RABGAP1L: variants seen among roughly 807,000 people sequenced by gnomAD.
RABGAP1L encodes the protein RAB GTPase activating protein 1 like.
A neutral mutation model predicts 137.7 loss-of-function variants in RABGAP1L; 63 were observed. The observed-to-expected ratio is 0.46, with a 90% CI of 0.37 to 0.56. The LOEUF is 0.56. Ranked by LOEUF, RABGAP1L falls within the 20% of genes least tolerant of loss-of-function variation. The pLI is 0.00. For synonymous variants in RABGAP1L, 431 were observed against 433.7 expected (o/e 0.99, Z 0.08); for missense variants, 1,095 against 1,244.0 (o/e 0.88, Z 1.80).
intron 19 of RABGAP1L, among the ~76,000 whole-genome samples, chr1:174,919,529 T>A (rs929144021): frequency 2.6e-5 from 4 of 152,134 alleles, no homozygotes; most frequent in African/African-American, 9.7e-5. Context: ...ATAAAATAAT[T>A]AAAAATATTT....
intron 14 of RABGAP1L, among the ~76,000 whole-genome samples, chr1:174,640,210 C>T (rs537599239): frequency 6.6e-6 from 1 of 152,206 alleles, no homozygotes; most frequent in South Asian, 2.1e-4. Context: ...TGTGATTGAC[C>T]CGGTTCCTTC....
At chr1:174,327,956 AATATAT>A (rs1180255952) in intron 11 of RABGAP1L, among the ~76,000 whole-genome samples, 32,553 of 97,932 alleles carry the variant, frequency 0.33, 6,157 homozygotes, top group African/African-American at 0.49. Context: ...AACAGTTGTA[AATATAT>A]ATATATATAT....
intron 14 of RABGAP1L, among the ~76,000 whole-genome samples, chr1:174,643,499 T>C (rs1418054352): frequency 1.3e-5 from 2 of 152,130 alleles, no homozygotes; most frequent in African/African-American, 4.8e-5. Flanking sequence ...CAGCATATTC[T>C]CCAAGCAAAT....
chr1:174,292,329 CTTTTTTTTTTTTTTT>C (rs61636433), intron 10 of RABGAP1L, among the ~76,000 whole-genome samples: 5 of 50,620 alleles, frequency 9.9e-5, no homozygotes, highest in Admixed American at 2.8e-4. Flanking sequence ...CCTACCTAAT[CTTTTTTTTTTTTTTT>C]TTTTTTTTTT....
chr1:174,808,395 A>G lies in RABGAP1L; in HGVS notation c.2212-3437A>G, dbSNP rs144848757. On this transcript the variant is annotated intron_variant, in intron 18 of 25. Coordinates refer to ENST00000681986, the MANE Select transcript of RABGAP1L (RefSeq NM_001366446.1). ...CTTGAGCCCAGGAGTTCGAGGCTGC[A>G]GTGAGCTATGATTGCACCATCGTAC... Among the ~76,000 whole-genome samples the G allele has an allele frequency of 6.0e-3, 909 of 152,210 alleles. 15 individuals carry two copies. Among genetic ancestry groups the G allele is most frequent in the African/African-American group, 0.021 (874 of 41,528 alleles).
intron 13 of RABGAP1L, among the ~76,000 whole-genome samples, chr1:174,457,502 G>A (rs1656174495): frequency 9.1e-6 from 1 of 109,964 alleles, no homozygotes; most frequent in East Asian, 2.6e-4. Context: ...TTTTTTTTGA[G>A]ATGGAGTCTT....
intron 1 of RABGAP1L, among the ~76,000 whole-genome samples, chr1:174,181,399 G>A (rs1225128194): frequency 6.7e-6 from 1 of 149,994 alleles, no homozygotes; most frequent in Admixed American, 6.7e-5. Context: ...GTGCAGTGGC[G>A]TGATCTCGGC....
chr1:174,231,280 C>A lies in RABGAP1L; in HGVS notation c.467C>A (p.Ala156Glu). 1 of 1,614,112 alleles carries A rather than the reference C, an allele frequency of 6.2e-7. No homozygotes were observed. Among genetic ancestry groups the A allele is most frequent in the Non-Finnish European group, 8.5e-7 (1 of 1,179,994 alleles). The change falls in exon 4 of 26, where the codon GCA becomes GAA. Residue 156 changes from alanine to glutamate, a missense_variant. Physicochemically the swap from Ala to Glu is moderately radical, Grantham distance 107. Coordinates refer to ENST00000681986, the MANE Select transcript of RABGAP1L (RefSeq NM_001366446.1). ...GAAGTAGAGGCTTTACGGGCAATGG[C>A]AACCATGAAATCTTCCAGTCAATAC... ...RNEVEALRAM[A>E]TMKSSSQYPF... is the part of the protein sequence containing the mutation.
At chr1:174,660,609 G>C (rs1462976205) in intron 14 of RABGAP1L, among the ~76,000 whole-genome samples, 3 of 152,112 alleles carry the variant, frequency 2.0e-5, no homozygotes, top group Non-Finnish European at 4.4e-5. Flanking sequence ...TGATTTACCA[G>C]GCTGTAAACT....
chr1:174,198,224 A>G (rs1667841919), intron 1 of RABGAP1L, among the ~76,000 whole-genome samples: 1 of 152,222 alleles, frequency 6.6e-6, no homozygotes, highest in African/African-American at 2.4e-5. Context: ...TGATTTTTAA[A>G]TATTCATGCT....
intron 19 of RABGAP1L, among the ~76,000 whole-genome samples, chr1:174,867,851 T>G (rs183128783): frequency 1.3e-4 from 20 of 152,256 alleles, no homozygotes; most frequent in African/African-American, 4.8e-4. Context: ...CACCATGTTG[T>G]TCAGGCTGGT....
intron 11 of RABGAP1L, among the ~76,000 whole-genome samples, chr1:174,341,303 A>G (rs1434936215): frequency 6.6e-6 from 1 of 152,220 alleles, no homozygotes; most frequent in African/African-American, 2.4e-5. Flanking sequence ...TGCTAATATG[A>G]TGCATCTTTG....
chr1:174,489,442 T>C (rs1660000373), intron 13 of RABGAP1L, among the ~76,000 whole-genome samples: 1 of 152,172 alleles, frequency 6.6e-6, no homozygotes, highest in Non-Finnish European at 1.5e-5. Context: ...TCATCATCAC[T>C]GGCCATCAGA....
At chr1:174,937,348 G>T (rs1007244927) in intron 19 of RABGAP1L, among the ~76,000 whole-genome samples, 2 of 150,736 alleles carry the variant, frequency 1.3e-5, no homozygotes, top group African/African-American at 2.5e-5. Flanking sequence ...GCAATGGTGT[G>T]ATCTCGACTC....
At chr1:174,349,433 C>T (rs7546253) in intron 11 of RABGAP1L, among the ~76,000 whole-genome samples, 9,531 of 100,824 alleles carry the variant, frequency 0.095, 674 homozygotes, top group Admixed American at 0.13. Flanking sequence ...CCCTCCCGGA[C>T]GAGGCGGCTG....
At chr1:174,345,632 A>G (rs1274177472) in intron 11 of RABGAP1L, among the ~76,000 whole-genome samples, 1 of 152,112 alleles carries the variant, frequency 6.6e-6, no homozygotes, top group East Asian at 1.9e-4. Flanking sequence ...ATCAGTTTGA[A>G]TAGTTTTTTT....
chr1:174,756,804 G>C, intron 18 of RABGAP1L: 1 of 530,832 alleles, frequency 1.9e-6, no homozygotes, highest in South Asian at 1.5e-5. Context: ...CTACTCGGTT[G>C]CAAACTCCGG....
At chr1:174,526,352 T>C (rs1572172410) in intron 13 of RABGAP1L, among the ~76,000 whole-genome samples, 1 of 152,170 alleles carries the variant, frequency 6.6e-6, no homozygotes, top group Admixed American at 6.5e-5. Context: ...AATGCTGGAT[T>C]CATGATATGA....
At chr1:174,715,653 G>C (rs1680940932) in intron 17 of RABGAP1L, among the ~76,000 whole-genome samples, 1 of 152,234 alleles carries the variant, frequency 6.6e-6, no homozygotes, top group South Asian at 2.1e-4. Context: ...GGCAGACGCT[G>C]TGATTATCCT....
Sources: allele counts gnomAD v4.1 joint callset (sites outside exome capture counted in the v4.1 genomes callset), GRCh38; gene constraint gnomAD v4.1.1; transcripts MANE v1.5; gene names NCBI Gene and HGNC (gene_info 2026-07-23, HGNC 2026-07-21).